The following TAFA4 variants were observed in gnomAD, a reference collection of about 807,000 sequenced individuals.
TAFA4 encodes the protein chemokine-like protein TAFA-4.
TAFA4 carries 20 observed loss-of-function variants against 21.1 expected under a neutral mutation model. The observed-to-expected ratio is 0.95, with a 90% CI of 0.67 to 1.38. TAFA4 has a LOEUF of 1.38. Among genes scored for constraint, TAFA4 ranks in the 40% most tolerant of loss-of-function variants. The probability of loss-of-function intolerance (pLI) is 0.00; values close to 1 mark genes in which losing one functional copy is unlikely to be tolerated. For missense variants in TAFA4, 211 were observed against 180.9 expected (o/e 1.17, Z -0.95); for synonymous variants, 71 against 67.4 (o/e 1.05, Z -0.26).
chr3:68,922,176 T>C (rs141004579), intron 1 of TAFA4, among the ~76,000 whole-genome samples: 2 of 152,332 alleles, frequency 1.3e-5, no homozygotes, highest in Non-Finnish European at 2.9e-5. Flanking sequence ...ATGTATTGTG[T>C]AAGAAAGTGT....
intron 1 of TAFA4, among the ~76,000 whole-genome samples, chr3:68,916,736 T>G (rs928141149): frequency 6.6e-6 from 1 of 152,196 alleles, no homozygotes; most frequent in Non-Finnish European, 1.5e-5. Context: ...GTCTTTCTGT[T>G]CTGCCTTTTT....
intron 3 of TAFA4, among the ~76,000 whole-genome samples, chr3:68,812,647 C>T (rs1439427448): frequency 2.0e-5 from 3 of 152,042 alleles, no homozygotes; most frequent in African/African-American, 4.8e-5. Flanking sequence ...TATATGCACC[C>T]AATACAGGAG....
At chr3:68,901,006 C>G (rs1374673835) in intron 1 of TAFA4, among the ~76,000 whole-genome samples, 1 of 152,212 alleles carries the variant, frequency 6.6e-6, no homozygotes, top group Non-Finnish European at 1.5e-5. Context: ...GCCAAGGGAA[C>G]TTTCCTCTTC....
chr3:68,736,760 G>A (rs187075352), intron 5 of TAFA4, among the ~76,000 whole-genome samples: 196 of 152,202 alleles, frequency 1.3e-3, no homozygotes, highest in Admixed American at 7.3e-3. Flanking sequence ...TACTCTATGT[G>A]CATAAGATCC....
intron 3 of TAFA4, among the ~76,000 whole-genome samples, chr3:68,858,389 T>C (rs1205705384): frequency 6.6e-6 from 1 of 151,146 alleles, no homozygotes; most frequent in Non-Finnish European, 1.5e-5. Flanking sequence ...GTTAACGCAG[T>C]GTACCTCCTA....
chr3:68,807,067 C>T lies in TAFA4; in HGVS notation c.131-54049G>A, dbSNP rs183302467. Among the ~76,000 whole-genome samples the T allele has an allele frequency of 5.7e-3, 863 of 152,304 alleles. 3 individuals carry two copies. Among genetic ancestry groups the T allele is most frequent in the Admixed American group, 9.5e-3 (145 of 15,292 alleles). On this transcript the variant is annotated intron_variant, in intron 3 of 5. Transcript: ENST00000295569. ...GAATAACTAAGCATATCAGACATGT[C>T]CAGCATGAAGCATGCTAACTCCTTT...
intron 1 of TAFA4, among the ~76,000 whole-genome samples, chr3:68,905,150 C>CTTTTTTT (rs145187037): frequency 3.5e-5 from 3 of 85,244 alleles, no homozygotes; most frequent in African/African-American, 1.4e-4. Context: ...AGATTTCTGC[C>CTTTTTTT]TTTTTTTTTT....
At chr3:68,775,404 C>A (rs906096604) in intron 3 of TAFA4, among the ~76,000 whole-genome samples, 2 of 152,050 alleles carry the variant, frequency 1.3e-5, no homozygotes, top group Non-Finnish European at 2.9e-5. Flanking sequence ...ACCACCTTAC[C>A]GCTACACATA....
At chr3:68,841,805 TTCG>T (rs1704672878) in intron 3 of TAFA4, among the ~76,000 whole-genome samples, 1 of 152,292 alleles carries the variant, frequency 6.6e-6, no homozygotes, top group East Asian at 1.9e-4. Flanking sequence ...TGTTTGGTTA[TTCG>T]TCCTTGTGAT....
intron 3 of TAFA4, among the ~76,000 whole-genome samples, chr3:68,796,220 T>C (rs1703451652): frequency 6.6e-6 from 1 of 152,106 alleles, no homozygotes; most frequent in African/African-American, 2.4e-5. Flanking sequence ...TATATAACAA[T>C]GATTAGGAAA....
At chr3:68,818,635 T>C (rs1401072178) in intron 3 of TAFA4, among the ~76,000 whole-genome samples, 1 of 152,194 alleles carries the variant, frequency 6.6e-6, no homozygotes, top group Non-Finnish European at 1.5e-5. Flanking sequence ...CTAATTGTAA[T>C]ATTATTGTGT....
chr3:68,779,066 G>T (rs968234383), intron 3 of TAFA4, among the ~76,000 whole-genome samples: 2 of 152,170 alleles, frequency 1.3e-5, no homozygotes, highest in African/African-American at 4.8e-5. Flanking sequence ...GAACTTGTCA[G>T]GAACTAGAGG....
chr3:68,765,307 C>T (rs936066867), intron 3 of TAFA4, among the ~76,000 whole-genome samples: 3 of 152,086 alleles, frequency 2.0e-5, no homozygotes, highest in African/African-American at 4.8e-5. Flanking sequence ...TGATAAGTTT[C>T]TACTTGTACA....
chr3:68,875,975 T>TGAA (rs2089545482), intron 3 of TAFA4, among the ~76,000 whole-genome samples: 2 of 150,250 alleles, frequency 1.3e-5, no homozygotes, highest in Admixed American at 1.3e-4. Context: ...AGAAATTAAG[T>TGAA]GAAATAAAGA....
At chr3:68,741,010 A>G (rs994088845) in intron 4 of TAFA4, among the ~76,000 whole-genome samples, 1 of 152,162 alleles carries the variant, frequency 6.6e-6, no homozygotes, top group Admixed American at 6.5e-5. Context: ...CTACATGTCT[A>G]TTTATTTTTA....
intron 3 of TAFA4, among the ~76,000 whole-genome samples, chr3:68,803,932 C>T (rs1475688010): frequency 5.4e-5 from 8 of 147,510 alleles, no homozygotes; most frequent in Admixed American, 1.4e-4. Context: ...GGATTACAGG[C>T]ATGTGCCACC....
At chr3:68,818,206 C>CA (rs1275551839) in intron 3 of TAFA4, among the ~76,000 whole-genome samples, 1 of 152,178 alleles carries the variant, frequency 6.6e-6, no homozygotes, top group East Asian at 1.9e-4. Flanking sequence ...CTTTAATCCT[C>CA]AAACCTCTGC....
chr3:68,765,819 G>A (rs1024656688), intron 3 of TAFA4, among the ~76,000 whole-genome samples: 13 of 152,102 alleles, frequency 8.5e-5, no homozygotes, highest in Non-Finnish European at 1.6e-4. Flanking sequence ...ACTGAGACAG[G>A]CAGAAGTGGA....
chr3:68,749,352 C>A (rs1021191436), intron 4 of TAFA4, among the ~76,000 whole-genome samples: 1 of 151,412 alleles, frequency 6.6e-6, no homozygotes, highest in African/African-American at 2.4e-5. Context: ...CCCATGCCAA[C>A]ATCTTCTTGC....
Sources: gnomAD v4.1 joint callset for allele counts (sites outside exome capture counted in the v4.1 genomes callset) on GRCh38, gnomAD v4.1.1 for gene constraint, MANE v1.5 for transcripts, NCBI Gene and HGNC (gene_info 2026-07-23, HGNC 2026-07-21) for gene names.